The following CDKN2AIPNL variants were observed in gnomAD, a reference collection of about 807,000 sequenced individuals.
The protein encoded by CDKN2AIPNL is XRN2 binding domain containing 1, also known as CDKN2AIP N-terminal-like protein.
In CDKN2AIPNL, 9 loss-of-function variants were observed where a neutral mutation model predicts 12.9. The ratio of observed to expected loss-of-function variants is 0.70; its 90% CI spans 0.42 to 1.22. The LOEUF is 1.22. CDKN2AIPNL is among the 50% of genes most tolerant of loss of function. The pLI is 0.00. For missense variants in CDKN2AIPNL, 143 were observed against 153.6 expected, an observed-to-expected ratio of 0.93 and a Z score of 0.37; for synonymous variants, 53 against 61.7, an observed-to-expected ratio of 0.86 and a Z score of 0.66.
At chr5:134,407,520 T>A (rs1759123101) in intron 2 of CDKN2AIPNL, among the ~76,000 whole-genome samples, 1 of 152,126 alleles carries the variant, frequency 6.6e-6, no homozygotes, top group South Asian at 2.1e-4. Context: ...ACGCATGTAA[T>A]CCCAGCACTT....
intron 2 of CDKN2AIPNL, among the ~76,000 whole-genome samples, chr5:134,405,072 A>G (rs1759082576): frequency 1.3e-5 from 2 of 150,926 alleles, no homozygotes; most frequent in African/African-American, 4.9e-5. Context: ...GGCATGAGCC[A>G]CTGCACCTGG....
In CDKN2AIPNL at chr5:134,411,751, T is replaced by C. The variant is rs778245590; in HGVS notation, c.104A>G (p.Lys35Arg). 6.2e-7 allele frequency: 1 copy of C among 1,612,682 alleles called. No individual in the cohort carries two copies. The highest frequency in any genetic ancestry group is 1.1e-5 in the South Asian group (1 of 90,842). ...EQFRSYSESEKQWKARMEFIL... is the reference protein window; with the variant it reads ...EQFRSYSESERQWKARMEFIL... Reference sequence around the variant, plus strand: ...GAATTCCATGCGGGCCTTCCATTGCTTCTCGCTCTCTGAGTAGGAGCGGAA... The same window carrying C: ...GAATTCCATGCGGGCCTTCCATTGCCTCTCGCTCTCTGAGTAGGAGCGGAA... The change falls in exon 1 of 3, where the codon AAG becomes AGG. Residue 35 changes from lysine to arginine, a missense_variant. Coordinates refer to ENST00000458198, the MANE Select transcript of CDKN2AIPNL (RefSeq NM_080656.3).
At chr5:134,411,132 T>A in intron 1 of CDKN2AIPNL, 1 of 702,452 alleles carries the variant, frequency 1.4e-6, no homozygotes. Flanking sequence ...ATCCTCTCAT[T>A]AGTGATTAAA....
chr5:134,409,957 C>T lies in CDKN2AIPNL; in HGVS notation c.285G>A (p.Gly95=), dbSNP rs1232438078. 3 of 1,612,924 alleles carry T rather than the reference C, an allele frequency of 1.9e-6. No homozygotes were observed. The highest frequency in any genetic ancestry group is 2.5e-6 in the Non-Finnish European group (3 of 1,179,800). The change falls in exon 2 of 3, where the codon GGG becomes GGA. Residue 95 remains glycine, a synonymous_variant. Coordinates refer to ENST00000458198, the MANE Select transcript of CDKN2AIPNL (RefSeq NM_080656.3). ...LLDKVMEMAD[G]IEVEDLPQFT... Reference sequence around the variant, plus strand: ...ATTGTGGCAGGTCTTCCACTTCAATCCCATCGGCCATTTCCATCACCTTGT... The same window carrying T: ...ATTGTGGCAGGTCTTCCACTTCAATTCCATCGGCCATTTCCATCACCTTGT...
At chr5:134,408,045 C>T (rs185586165) in intron 2 of CDKN2AIPNL, among the ~76,000 whole-genome samples, 1 of 152,080 alleles carries the variant, frequency 6.6e-6, no homozygotes, top group East Asian at 1.9e-4. Context: ...GCGCTAGAAT[C>T]ACTTGAGCCT....
intron 1 of CDKN2AIPNL, among the ~76,000 whole-genome samples, 189 bp from the exon 2 acceptor site, chr5:134,410,191 A>G (rs1759170414): frequency 6.6e-6 from 1 of 152,198 alleles, no homozygotes; most frequent in South Asian, 2.1e-4. Context: ...GTTGGAGTGC[A>G]GTGGTGTGAT....
intron 1 of CDKN2AIPNL, chr5:134,410,749 G>A (rs559228993): frequency 1.1e-4 from 55 of 480,702 alleles, no homozygotes; most frequent in African/African-American, 9.0e-4. Flanking sequence ...AATATGTGAA[G>A]CAAAACCAAG....
rs984955954 is a variant in CDKN2AIPNL, at chr5:134,411,845, C to T, written c.10G>A (p.Gly4Ser). Residue 4 changes from glycine to serine, a missense_variant, in exon 1 of 3, where the codon GGC becomes AGC. Transcript: ENST00000458198. ...TCCTCCACTGCGGCAGCCGCCTCGC[C>T]ACCGACCATGGTGCCCGCCGCAGCC... MVG[G>S]EAAAAVEELV... The T allele has an allele frequency of 7.0e-6, 11 of 1,565,504 alleles. No individual in the cohort carries two copies. The highest frequency in any genetic ancestry group is 1.8e-4 in the Middle Eastern group (1 of 5,638).
chr5:134,410,953 C>G, intron 1 of CDKN2AIPNL: 1 of 697,414 alleles, frequency 1.4e-6, no homozygotes, highest in Non-Finnish European at 2.6e-6. Context: ...ACTTCAAAAG[C>G]GGGCCTTTGT....
rs949770438 is a variant in CDKN2AIPNL, at chr5:134,411,707, C to G, written c.148G>C (p.Asp50His). 2 of 1,613,024 alleles carry G rather than the reference C, an allele frequency of 1.2e-6. No individual in the cohort carries two copies. The highest frequency in any genetic ancestry group is 1.7e-6 in the Non-Finnish European group (2 of 1,179,824). ...RMEFILRHLPDYRDPPDGSGR... is the reference protein window; with the variant it reads ...RMEFILRHLPHYRDPPDGSGR... ...CTGCCGTCGGGCGGGTCGCGGTAGT[C>G]GGGCAGGTGGCGCAGGATGAATTCC... The change falls in exon 1 of 3, where the codon GAC (aspartate) becomes CAC (histidine). Residue 50 changes from aspartate to histidine, a missense_variant. Transcript: ENST00000458198.
At chr5:134,408,856 T>A (rs1025687470) in intron 2 of CDKN2AIPNL, among the ~76,000 whole-genome samples, 2 of 152,200 alleles carry the variant, frequency 1.3e-5, no homozygotes, top group African/African-American at 4.8e-5. Context: ...AATACTTTTT[T>A]AAGAAAAACA....
At chr5:134,411,356 C>A (rs1159724308) in intron 1 of CDKN2AIPNL, among the ~76,000 whole-genome samples, 1 of 152,204 alleles carries the variant, frequency 6.6e-6, no homozygotes, top group Non-Finnish European at 1.5e-5. Context: ...TTGAACCCGC[C>A]ATGTATTTAG....
At chr5:134,405,704 C>T (rs1759094140) in intron 2 of CDKN2AIPNL, among the ~76,000 whole-genome samples, 1 of 152,184 alleles carries the variant, frequency 6.6e-6, no homozygotes, top group African/African-American at 2.4e-5. Flanking sequence ...CATGAGCCAC[C>T]ACGCCCAGCC....
At chr5:134,404,392 T>C (rs112689692) in intron 2 of CDKN2AIPNL, among the ~76,000 whole-genome samples, 1 of 152,318 alleles carries the variant, frequency 6.6e-6, no homozygotes, top group African/African-American at 2.4e-5. Flanking sequence ...GGTACGATCA[T>C]GGCTAACTGC....
At chr5:134,404,009 T>C (rs1372571711) in intron 2 of CDKN2AIPNL, among the ~76,000 whole-genome samples, 1 of 152,212 alleles carries the variant, frequency 6.6e-6, no homozygotes, top group Non-Finnish European at 1.5e-5. Context: ...GAGAATGCGG[T>C]ATTACCTAAA....
rs1458339097 is a variant in CDKN2AIPNL at position 134,411,668 on chromosome 5, G to A, written c.187C>T (p.Gln63Ter). ...DPPDGSGRLDQLLSLSMVWAN... is the reference protein window; with the variant it reads ...DPPDGSGRLD The stretch of plus-strand genomic sequence containing the variant: ...CAGACCATGGAGAGGGAGAGCAGCT[G>A]GTCCAGGCGGCCACTGCCGTCGGGC... The change falls in exon 1 of 3, where the codon CAG becomes TAG. Residue 63 changes from glutamine (Q) to a stop codon, truncating the protein, a stop_gained. Coordinates refer to ENST00000458198, the MANE Select transcript of CDKN2AIPNL (RefSeq NM_080656.3). LOFTEE classifies it high-confidence loss of function. 6.2e-7 allele frequency: 1 copy of A among 1,612,954 alleles called. No individual in the cohort carries two copies. The highest frequency in any genetic ancestry group is 8.5e-7 in the Non-Finnish European group (1 of 1,179,818).
At chr5:134,410,231 G>A (rs975077373) in intron 1 of CDKN2AIPNL, among the ~76,000 whole-genome samples, 1 of 152,078 alleles carries the variant, frequency 6.6e-6, no homozygotes, top group Non-Finnish European at 1.5e-5. Context: ...CACCTCCCAG[G>A]TTCAAGCAAT....
intron 2 of CDKN2AIPNL, among the ~76,000 whole-genome samples, chr5:134,403,782 G>A (rs541661250): frequency 6.6e-6 from 1 of 152,164 alleles, no homozygotes; most frequent in African/African-American, 2.4e-5. Context: ...CTGCCACTGC[G>A]CCCGGCTAAT....
At chr5:134,404,835 G>C (rs1475184469) in intron 2 of CDKN2AIPNL, among the ~76,000 whole-genome samples, 1 of 152,132 alleles carries the variant, frequency 6.6e-6, no homozygotes, top group East Asian at 1.9e-4. Context: ...GCCCAGGCTA[G>C]AGTACAGCGG....
Sources: gnomAD v4.1 joint callset for allele counts (sites outside exome capture counted in the v4.1 genomes callset) on GRCh38, gnomAD v4.1.1 for gene constraint, MANE v1.5 for transcripts, NCBI Gene and HGNC (gene_info 2026-07-23, HGNC 2026-07-21) for gene names.